Variants in UBP1 observed in about 807,000 individuals in gnomAD.
The protein encoded by UBP1 is upstream-binding protein 1.
UBP1 carries 22 observed loss-of-function variants against 76.1 expected under a neutral mutation model. The ratio of observed to expected loss-of-function variants is 0.29; its 90% confidence interval spans 0.21 to 0.41. The LOEUF (loss-of-function observed/expected upper bound fraction) is 0.41. UBP1 is among the 10% of genes least tolerant of loss of function. The pLI, the probability that UBP1 is intolerant of heterozygous loss-of-function variation, is 1.00. For synonymous variants in UBP1, 224 were observed against 237.1 expected (o/e 0.94, Z 0.51); for missense variants, 436 against 668.1 (o/e 0.65, Z 3.83).
At chr3:33,397,548 G>A (rs1307547903) in intron 11 of UBP1, 1 of 153,114 alleles carries the variant, frequency 6.5e-6, no homozygotes, top group Non-Finnish European at 1.5e-5. Flanking sequence ...AAAAGGAAAT[G>A]GAAGTCCAGA....
At chr3:33,393,480 A>T in intron 13 of UBP1, 26 bp from the exon 14 acceptor site, 2 of 1,591,702 alleles carry the variant, frequency 1.3e-6, no homozygotes, top group Non-Finnish European at 1.7e-6. Context: ...AAAAAAGAAA[A>T]GCATTTTAAC....
intron 8 of UBP1, among the ~76,000 whole-genome samples, chr3:33,406,475 ATAATG>A: frequency 6.6e-6 from 1 of 152,354 alleles, no homozygotes. Flanking sequence ...ACATGTATAA[ATAATG>A]TAAACCATTT....
chr3:33,425,560 A>C, intron 2 of UBP1, 30 bp downstream of exon 2: 5 of 1,484,014 alleles, frequency 3.4e-6, no homozygotes, highest in Non-Finnish European at 4.6e-6. Context: ...GTAAATTCTT[A>C]CATGTCAAAT....
chr3:33,398,629 G>A (rs1353032201), intron 11 of UBP1, among the ~76,000 whole-genome samples: 1 of 152,244 alleles, frequency 6.6e-6, no homozygotes, highest in African/African-American at 2.4e-5. Context: ...ACCATGGCTA[G>A]CTCCTCGCCC....
chr3:33,409,182 G>C, intron 7 of UBP1, 54 bp downstream of exon 7: 1 of 1,534,900 alleles, frequency 6.5e-7, no homozygotes, highest in Middle Eastern at 2.2e-4. Context: ...CTTAGAAATA[G>C]ACTAATATGC....
At position 33,425,700 on chromosome 3, in the gene UBP1, C is replaced by G; in HGVS notation, c.155G>C (p.Ser52Thr). Residue 52 changes from serine to threonine, a missense_variant, in exon 2 of 16, where the codon AGC (serine) becomes ACC (threonine). Ser to Thr is a moderately conservative substitution (Grantham distance 58). Coordinates refer to ENST00000283629, the MANE Select transcript of UBP1 (RefSeq NM_014517.5). ...CTCTGTTTCACCATCCAATGGAAGG[C>G]TGGAATCTTCCTGCTTGAAAATGGG... ...ALPIFKQEDS[S>T]LPLDGETEHP... The G allele has an allele frequency of 6.3e-7, 1 of 1,599,072 alleles. No individual in the cohort carries two copies. The highest frequency in any genetic ancestry group is 2.2e-5 in the East Asian group (1 of 44,634).
intron 9 of UBP1, 151 bp downstream of exon 9, chr3:33,402,650 T>C (rs913988688): frequency 3.6e-5 from 18 of 493,666 alleles, no homozygotes; most frequent in Non-Finnish European, 5.0e-5. Flanking sequence ...AAGACAATGA[T>C]TGTCCTCTGC....
chr3:33,411,735 T>TA, intron 4 of UBP1, 48 bp from the exon 5 acceptor site: 1 of 1,459,958 alleles, frequency 6.8e-7, no homozygotes, highest in South Asian at 1.1e-5. Flanking sequence ...TTAAATAACT[T>TA]AAAAAACTTA....
At chr3:33,412,467 T>C (rs74366115) in intron 4 of UBP1, among the ~76,000 whole-genome samples, 2,116 of 151,114 alleles carry the variant, frequency 0.014, 22 homozygotes, top group South Asian at 0.026. Context: ...CCTGCAATCC[T>C]AGCTACTTGG....
chr3:33,411,565 A>G lies in UBP1; in HGVS notation c.555+16T>C, dbSNP rs1209620274. ...TAACTAGGTTAGTAAGCTTCTAATAATGTAAAAATCCAAACCTGAATGAAA... is the reference window on the plus strand; with the variant it reads ...TAACTAGGTTAGTAAGCTTCTAATAGTGTAAAAATCCAAACCTGAATGAAA... On this transcript the variant is annotated intron_variant, in intron 5 of 15. Transcript: ENST00000283629. 4 of 1,610,026 alleles carry G rather than the reference A, an allele frequency of 2.5e-6. No homozygotes were observed. The East Asian group carries it at 6.7e-5, about 27-fold the overall frequency.
chr3:33,410,269 C>G (rs1426547231), intron 5 of UBP1, among the ~76,000 whole-genome samples: 1 of 152,224 alleles, frequency 6.6e-6, no homozygotes, highest in Non-Finnish European at 1.5e-5. Context: ...ACAGAGTTAA[C>G]AGCAAGACCT....
rs779199784 is a variant in UBP1, at chr3:33,397,124, A to G, written c.1192T>C (p.Leu398=). 27 of 1,595,446 alleles carry G rather than the reference A, an allele frequency of 1.7e-5. No individual in the cohort carries two copies. The highest frequency in any genetic ancestry group is 4.5e-5 in the East Asian group (2 of 44,784). ...LFSNFSGADL[L]KLTKEDLVQI... ...ACTAAATCCTCCTTTGTCAGTTTTA[A>G]TAAGTCGGCACCTAGAGAAGAGCAA... Residue 398 remains leucine (L), a synonymous_variant, in exon 12 of 16, where the codon TTA becomes CTA. Transcript: ENST00000283629.
intron 14 of UBP1, chr3:33,392,922 A>T (rs538520822): frequency 1.2e-5 from 4 of 347,148 alleles, no homozygotes; most frequent in South Asian, 1.7e-4. Context: ...TTCTATTATT[A>T]CTTGCCACCA....
At chr3:33,430,520 G>A (rs963568320) in intron 1 of UBP1, among the ~76,000 whole-genome samples, 5 of 152,312 alleles carry the variant, frequency 3.3e-5, no homozygotes, top group Non-Finnish European at 5.9e-5. Context: ...GACTCTAGAA[G>A]CAAAAACCAA....
intron 1 of UBP1, among the ~76,000 whole-genome samples, chr3:33,428,055 G>A (rs990514449): frequency 6.6e-6 from 1 of 151,978 alleles, no homozygotes; most frequent in Non-Finnish European, 1.5e-5. Context: ...AGTGGGGCAC[G>A]CCTGTAGTCC....
intron 4 of UBP1, among the ~76,000 whole-genome samples, chr3:33,412,186 CA>C (rs1227146812): frequency 0.3 from 18,897 of 63,490 alleles, 1,084 homozygotes; most frequent in East Asian, 0.47. Flanking sequence ...AACTCCGTCT[CA>C]AAAAAAAAAA....
At chr3:33,410,244 G>A (rs2044545931) in intron 5 of UBP1, among the ~76,000 whole-genome samples, 2 of 152,194 alleles carry the variant, frequency 1.3e-5, no homozygotes, top group African/African-American at 2.4e-5. Context: ...CTGGATGACA[G>A]CCTTAGGGTT....
chr3:33,408,053 C>G (rs2154057035), intron 8 of UBP1, among the ~76,000 whole-genome samples: 1 of 152,276 alleles, frequency 6.6e-6, no homozygotes, highest in African/African-American at 2.4e-5. Flanking sequence ...GCAAGGTACA[C>G]TACTTTGGCC....
intron 11 of UBP1, among the ~76,000 whole-genome samples, chr3:33,399,917 T>C (rs988781192): frequency 2.6e-5 from 4 of 152,182 alleles, no homozygotes; most frequent in African/African-American, 7.2e-5. Context: ...AAAAAAATCA[T>C]GTAAAACTAT....
Sources: allele counts gnomAD v4.1 joint callset (sites outside exome capture counted in the v4.1 genomes callset), GRCh38; gene constraint gnomAD v4.1.1; transcripts MANE v1.5; gene names NCBI Gene and HGNC (gene_info 2026-07-23, HGNC 2026-07-21).